MSR1: variants seen among roughly 807,000 people sequenced by gnomAD.
The protein encoded by MSR1 is macrophage scavenger receptor 1.
MSR1 carries 53 observed loss-of-function variants against 47.2 expected under a neutral mutation model. The observed-to-expected ratio is 1.12, with a 90% CI of 0.90 to 1.41. MSR1 has a LOEUF of 1.41. Ranked by LOEUF, MSR1 falls within the 40% of genes most tolerant of loss-of-function variation. The pLI, the probability that MSR1 is intolerant of heterozygous loss-of-function variation, is 0.00. For synonymous variants in MSR1, 239 were observed against 185.6 expected, an observed-to-expected ratio of 1.29 and a Z score of -2.34; for missense variants, 786 against 546.9, an observed-to-expected ratio of 1.44 and a Z score of -4.36.
intron 3 of MSR1, among the ~76,000 whole-genome samples, chr8:16,171,206 C>G (rs1332524703): frequency 3.3e-5 from 4 of 119,824 alleles, no homozygotes; most frequent in African/African-American, 9.6e-5. Flanking sequence ...TCCAGCCTGG[C>G]TGACAGAGCA....
At chr8:16,121,162 G>A in intron 8 of MSR1, 2 of 435,464 alleles carry the variant, frequency 4.6e-6, no homozygotes, top group Non-Finnish European at 9.2e-6. Flanking sequence ...GACTTTCCTT[G>A]TTGTGAGGTT....
chr8:16,120,731 C>G (rs1447917592), intron 8 of MSR1, 125 bp from the exon 9 acceptor site: 2 of 1,145,032 alleles, frequency 1.7e-6, no homozygotes, highest in Non-Finnish European at 2.4e-6. Flanking sequence ...CAAATAACTT[C>G]AACTATTGGA....
In MSR1 at chr8:16,109,943, A is replaced by G; in HGVS notation, c.*142T>C. On this transcript the variant is annotated 3_prime_UTR_variant, in exon 10 of 10. Transcript: ENST00000262101. ...AAAATAGTAAGCATGAAGGTGTTCA[A>G]TATATTAATCCTGTAATCTAAAATA... 1.0e-6 allele frequency: 1 copy of G among 959,424 alleles called. No homozygotes were observed. Among genetic ancestry groups the G allele is most frequent in the South Asian group, 1.5e-5 (1 of 68,348 alleles). The allele number at this position is 959,424 out of a possible 1,614,324, so 59.4% of individuals were successfully genotyped here.
At chr8:16,117,248 C>A (rs1369886653) in intron 9 of MSR1, among the ~76,000 whole-genome samples, 1 of 152,140 alleles carries the variant, frequency 6.6e-6, no homozygotes, top group Non-Finnish European at 1.5e-5. Flanking sequence ...GGAACACAAA[C>A]CGTATTGTGA....
In MSR1 at chr8:16,143,548, A is replaced by C. The variant is rs33988608; in HGVS notation, c.1033+10T>G. On this transcript the variant is annotated intron_variant, in intron 8 of 9. Coordinates refer to ENST00000262101, the MANE Select transcript of MSR1 (RefSeq NM_138715.3). ...GAATTCACACAGAAAACAAAATACT[A>C]TATACTTACTTAATGTGTTTCCACT... 6.2e-7 allele frequency: 1 copy of C among 1,609,556 alleles called. No individual in the cohort carries two copies. The highest frequency in any genetic ancestry group is 1.7e-5 in the Admixed American group (1 of 59,948).
chr8:16,179,780 G>C (rs1351829959), intron 1 of MSR1, among the ~76,000 whole-genome samples: 2 of 149,798 alleles, frequency 1.3e-5, no homozygotes, highest in African/African-American at 2.5e-5. Context: ...GGGAGGCTGA[G>C]GCAGTAAAAT....
intron 6 of MSR1, among the ~76,000 whole-genome samples, chr8:16,154,364 A>T (rs1160695270): frequency 2.0e-5 from 3 of 151,634 alleles, no homozygotes; most frequent in Non-Finnish European, 2.9e-5. Context: ...TATCTTTTTT[A>T]TTTTTTCAAG....
chr8:16,192,281 C>A (rs1802219966), intron 1 of MSR1, among the ~76,000 whole-genome samples: 1 of 152,008 alleles, frequency 6.6e-6, no homozygotes, highest in African/African-American at 2.4e-5. Flanking sequence ...GTATTTTAAA[C>A]AAAATATGCT....
At chr8:16,122,404 CATAAT>C (rs1340570401) in intron 8 of MSR1, among the ~76,000 whole-genome samples, 4 of 152,060 alleles carry the variant, frequency 2.6e-5, no homozygotes, top group Non-Finnish European at 5.9e-5. Context: ...TATATCCAAA[CATAAT>C]ATATTTATCA....
intron 5 of MSR1, among the ~76,000 whole-genome samples, chr8:16,158,303 T>G (rs1019660711): frequency 2.6e-5 from 4 of 151,990 alleles, no homozygotes; most frequent in African/African-American, 7.2e-5. Context: ...TGTAGCTTCC[T>G]CCATGATTAC....
intron 8 of MSR1, among the ~76,000 whole-genome samples, chr8:16,135,016 A>G (rs192396367): frequency 6.6e-6 from 1 of 152,276 alleles, no homozygotes; most frequent in South Asian, 2.1e-4. Flanking sequence ...ATAAGGTTTA[A>G]GGAAAGAAGC....
intron 9 of MSR1, among the ~76,000 whole-genome samples, chr8:16,111,269 C>A (rs1056628087): frequency 1.3e-5 from 2 of 152,046 alleles, no homozygotes; most frequent in African/African-American, 4.8e-5. Flanking sequence ...CAGGAGGAAG[C>A]CGAAGTACGA....
chr8:16,180,776 A>C, intron 1 of MSR1, among the ~76,000 whole-genome samples: 1 of 152,182 alleles, frequency 6.6e-6, no homozygotes, highest in South Asian at 2.1e-4. Flanking sequence ...AATATCACTA[A>C]GAAGATTCTT....
chr8:16,120,396 C>T, intron 9 of MSR1, 22 bp downstream of exon 9: 1 of 1,612,404 alleles, frequency 6.2e-7, no homozygotes. Flanking sequence ...CAACAAACCT[C>T]ACAAGATTTT....
chr8:16,162,639 C>A (rs942302743), intron 5 of MSR1, among the ~76,000 whole-genome samples: 1 of 151,924 alleles, frequency 6.6e-6, no homozygotes, highest in Non-Finnish European at 1.5e-5. Flanking sequence ...AGAAGAGAAA[C>A]TGATTGCCAG....
chr8:16,186,156 C>G, intron 1 of MSR1: 1 of 1,533,930 alleles, frequency 6.5e-7, no homozygotes, highest in South Asian at 1.2e-5. Context: ...TGTTCATGCT[C>G]ACGGTTTTTT....
At chr8:16,138,934 A>C (rs572970101) in intron 8 of MSR1, among the ~76,000 whole-genome samples, 1 of 152,148 alleles carries the variant, frequency 6.6e-6, no homozygotes, top group African/African-American at 2.4e-5. Flanking sequence ...GAATTTTCTC[A>C]TCAGCATTGT....
At position 16,168,670 on chromosome 8, in the gene MSR1, G is replaced by A; in HGVS notation, c.418C>T (p.His140Tyr). ...DMEANLMDTE[H>Y]FQNFSMTTDQ... ...GTTGTCATGCTGAAATTTTGGAAAT[G>A]CTCTGTGTCCATGAGGTTGGCTTCC... is the stretch of plus-strand genomic sequence containing the variant. Residue 140 changes from histidine to tyrosine, a missense_variant, in exon 4 of 10, where the codon CAT becomes TAT. Transcript: ENST00000262101. 1 of 1,614,148 alleles carries A rather than the reference G, an allele frequency of 6.2e-7. No individual in the cohort carries two copies. Among genetic ancestry groups the A allele is most frequent in the Non-Finnish European group, 8.5e-7 (1 of 1,180,014 alleles).
At chr8:16,132,696 GCTGGT>G (rs1262600158) in intron 8 of MSR1, among the ~76,000 whole-genome samples, 2 of 152,018 alleles carry the variant, frequency 1.3e-5, no homozygotes, top group African/African-American at 4.8e-5. Context: ...ATTTGGCCAG[GCTGGT>G]CTGGAACTCC....
Sources: gnomAD v4.1 joint callset for allele counts (sites outside exome capture counted in the v4.1 genomes callset) on GRCh38, gnomAD v4.1.1 for gene constraint, MANE v1.5 for transcripts, NCBI Gene and HGNC (gene_info 2026-07-23, HGNC 2026-07-21) for gene names.